Variants in C2 observed in about 807,000 individuals in gnomAD.
C2 encodes complement C2, also known as C3/C5 convertase.
In C2, 64 loss-of-function variants were observed where a neutral mutation model predicts 85.2. The ratio of observed to expected loss-of-function variants is 0.75; its 90% CI spans 0.61 to 0.92. C2 has a LOEUF of 0.92. Among genes scored for constraint, C2 ranks in the 40% least tolerant of loss-of-function variants. The pLI is 0.00. For missense variants in C2, 820 were observed against 971.6 expected, an observed-to-expected ratio of 0.84 and a Z score of 2.07; for synonymous variants, 311 against 370.8, an observed-to-expected ratio of 0.84 and a Z score of 1.85.
chr6:31,930,978 G>A (rs1157617501), intron 3 of C2, among the ~76,000 whole-genome samples: 1 of 152,144 alleles, frequency 6.6e-6, no homozygotes, highest in Non-Finnish European at 1.5e-5. Context: ...CTCCCACAAG[G>A]TAACTGCTCT....
chr6:31,926,018 A>G (rs959487719), upstream of C2, among the ~76,000 whole-genome samples: 1 of 152,148 alleles, frequency 6.6e-6, no homozygotes, highest in Non-Finnish European at 1.5e-5. Context: ...GCCCATGAAA[A>G]GAAAAGGCAC....
chr6:31,931,678 C>G (rs1434701349), intron 3 of C2, among the ~76,000 whole-genome samples: 1 of 152,160 alleles, frequency 6.6e-6, no homozygotes, highest in African/African-American at 2.4e-5. Flanking sequence ...TACACAGACA[C>G]GGCAACCATC....
Position 31,943,597 on chromosome 6 carries a change from C to T in C2, c.1568-47C>T. On this transcript the variant is annotated intron_variant, in intron 12 of 17. Transcript: ENST00000299367. The surrounding 1 kb of genome is among the most constrained non-coding windows in gnomAD (Gnocchi z 6.4). The stretch of plus-strand genomic sequence containing the variant: ...TCCTACCACCTCACCCAGCCTCTGG[C>T]CCCTGCAGGAGCCCTGGTCTAGCCT... 6.2e-7 allele frequency: 1 copy of T among 1,610,266 alleles called. No homozygotes were observed. Among genetic ancestry groups the T allele is most frequent in the East Asian group, 2.2e-5 (1 of 44,876 alleles).
chr6:31,931,262 C>CTTT (rs748883719), intron 3 of C2, among the ~76,000 whole-genome samples: 2 of 111,436 alleles, frequency 1.8e-5, no homozygotes, highest in African/African-American at 3.4e-5. Flanking sequence ...TAGGAACATT[C>CTTT]TTTTTTTTTT....
In C2 at chr6:31,945,597, G is replaced by T; in HGVS notation, c.*240G>T. On this transcript the variant is annotated 3_prime_UTR_variant, in exon 18 of 18. Transcript: ENST00000299367. The surrounding 1 kb of genome is among the most constrained non-coding windows in gnomAD (Gnocchi z 5.3). ...CTGTCCCCAGATTCCTTCCCTGGTT[G>T]ACTTGACTCATGCTTGTTTCACTTT... 1.7e-6 allele frequency: 1 copy of T among 591,816 alleles called. No homozygotes were observed. The highest frequency in any genetic ancestry group is 3.0e-6 in the Non-Finnish European group (1 of 331,968). The allele number at this position is 591,816 out of a possible 1,614,324, so 36.7% of individuals were successfully genotyped here.
upstream of C2, chr6:31,900,137 C>T (rs1581990421): frequency 5.0e-6 from 8 of 1,614,100 alleles, no homozygotes; most frequent in Non-Finnish European, 6.8e-6. This position sits in a 1 kb window ranked among gnomAD's most constrained non-coding sequence, Gnocchi z 9.7. Flanking sequence ...GCCGCAGATG[C>T]CGCACGAGTG....
chr6:31,912,032 A>G (rs927734062), intron 1 of C2, among the ~76,000 whole-genome samples: 24 of 150,588 alleles, frequency 1.6e-4, no homozygotes, highest in Non-Finnish European at 2.1e-4. Flanking sequence ...CAGTCTCCCA[A>G]AGTGCTGGGA....
At position 31,904,012 on chromosome 6, in the gene C2, T is replaced by G. The variant is rs1767553951; in HGVS notation, c.73+2873T>G. Among the ~76,000 whole-genome samples the G allele has an allele frequency of 6.6e-6, 1 of 151,956 alleles. No homozygotes were observed. The highest frequency in any genetic ancestry group is 2.4e-5 in the African/African-American group (1 of 41,296). ...CTGAGCCTACTCTGGCTCAGAAGGC[T>G]GCCAGATTCGCAAATCATTAAAAAA... is the stretch of plus-strand genomic sequence containing the variant. On this transcript the variant is annotated intron_variant, in intron 1 of 3. Coordinates refer to the C2 transcript ENST00000452202. This position sits in a 1 kb window ranked among gnomAD's most constrained non-coding sequence, Gnocchi z 4.4.
upstream of C2, among the ~76,000 whole-genome samples, chr6:31,918,628 G>A (rs969323417): frequency 4.6e-5 from 7 of 151,060 alleles, no homozygotes; most frequent in Admixed American, 1.3e-4. Flanking sequence ...GGCTGGGAGC[G>A]GTGGCTCACG....
At chr6:31,938,496 A>ATATT (rs1245084601) in intron 8 of C2, among the ~76,000 whole-genome samples, 4 of 147,730 alleles carry the variant, frequency 2.7e-5, no homozygotes, top group South Asian at 2.1e-4. Flanking sequence ...ATATATATAT[A>ATATT]TATTTATTTT....
At position 31,922,408 on chromosome 6, in the gene C2, G is replaced by A. The variant is rs1769037033; in HGVS notation, c.-100+2382G>A. Among the ~76,000 whole-genome samples, 1 of 152,186 alleles carries A rather than the reference G, an allele frequency of 6.6e-6. No individual in the cohort carries two copies. The highest frequency in any genetic ancestry group is 2.4e-5 in the African/African-American group (1 of 41,438). On this transcript the variant is annotated intron_variant, in intron 1 of 3. Coordinates refer to the C2 transcript ENST00000413154. This position sits in a 1 kb window ranked among gnomAD's most constrained non-coding sequence, Gnocchi z 4.8. ...CCCAAGTGGCCAGACTGGATAAGGA[G>A]TAGACTGGCCACTAGAGTGGGGTCG...
At chr6:31,905,439 T>A (rs1767648677) in intron 1 of C2, among the ~76,000 whole-genome samples, 1 of 149,710 alleles carries the variant, frequency 6.7e-6, no homozygotes, top group Non-Finnish European at 1.5e-5. Context: ...CCCTGTCTTT[T>A]AAAAAAAAAA....
chr6:31,927,398 C>A, upstream of C2: 1 of 906,270 alleles, frequency 1.1e-6, no homozygotes, highest in Non-Finnish European at 1.5e-6. This position sits in a 1 kb window ranked among gnomAD's most constrained non-coding sequence, Gnocchi z 4.7. Flanking sequence ...CATGTGTGCA[C>A]ACACGAGCCC....
At chr6:31,937,247 T>A in intron 7 of C2, 72 bp from the exon 8 acceptor site, 1 of 1,453,020 alleles carries the variant, frequency 6.9e-7, no homozygotes, top group Non-Finnish European at 9.6e-7. Flanking sequence ...ATTGGGGGAA[T>A]AGAGTGATTC....
chr6:31,917,417 C>T (rs1245322664), upstream of C2, among the ~76,000 whole-genome samples: 1 of 151,776 alleles, frequency 6.6e-6, no homozygotes, highest in Non-Finnish European at 1.5e-5. Context: ...TCACTTATAA[C>T]GGAACTAAAT....
rs1487208501 is a variant in C2 at position 31,921,803 on chromosome 6, G to A, written c.-100+1777G>A. Reference sequence around the variant, plus strand: ...TGGCACTATGTCCTGCTAATATGAAGTCTTCCTCCCCCAGAAGCAGACCTG... The same window carrying A: ...TGGCACTATGTCCTGCTAATATGAAATCTTCCTCCCCCAGAAGCAGACCTG... On this transcript the variant is annotated intron_variant, in intron 1 of 3. Transcript: ENST00000413154. This position sits in a 1 kb window ranked among gnomAD's most constrained non-coding sequence, Gnocchi z 4.6. 6.6e-6 allele frequency among the ~76,000 whole-genome samples: 1 copy of A among 152,150 alleles called. No homozygotes were observed. The highest frequency in any genetic ancestry group is 1.5e-5 in the Non-Finnish European group (1 of 68,016).
At chr6:31,899,943 T>C (rs1254068748), upstream of C2, 2 of 1,587,792 alleles carry the variant, frequency 1.3e-6, no homozygotes, top group Non-Finnish European at 8.6e-7. Flanking sequence ...ATGAGGACGT[T>C]AATCTCGGCC....
At position 31,928,061 on chromosome 6, in the gene C2, C is replaced by A; in HGVS notation, c.153C>A (p.Cys51Ter). The A allele has an allele frequency of 6.2e-7, 1 of 1,614,106 alleles. No individual in the cohort carries two copies. Among genetic ancestry groups the A allele is most frequent in the East Asian group, 2.2e-5 (1 of 44,886 alleles). Residue 51 changes from cysteine to a stop codon, truncating the protein, a stop_gained, in exon 2 of 18, where the codon TGC becomes TGA. Transcript: ENST00000299367. LOFTEE classifies it high-confidence loss of function. ...WAPGSLLTYS[C>*]PQGLYPSPAS... The stretch of plus-strand genomic sequence containing the variant: ...CTGGGAGCCTTCTCACCTACTCCTG[C>A]CCCCAGGGCCTGTACCCATCCCCAG...
chr6:31,913,289 A>G (rs1399791363), intron 1 of C2, among the ~76,000 whole-genome samples: 4 of 151,280 alleles, frequency 2.6e-5, no homozygotes, highest in Non-Finnish European at 5.9e-5. Context: ...TAACACTGAC[A>G]TCTTGGCTGG....
Sources: allele counts gnomAD v4.1 joint callset (sites outside exome capture counted in the v4.1 genomes callset), GRCh38; gene constraint gnomAD v4.1.1; non-coding constraint Gnocchi (gnomAD v3.1); transcripts MANE v1.5; gene names NCBI Gene and HGNC (gene_info 2026-07-23, HGNC 2026-07-21).